Variants in CCDC12 observed in about 807,000 individuals in gnomAD.
CCDC12 encodes the protein coiled-coil domain containing 12.
Under a neutral mutation model 25.7 loss-of-function variants are expected in CCDC12, and 28 were observed. The observed-to-expected ratio is 1.09, with a 90% CI of 0.81 to 1.50. The LOEUF is 1.50. CCDC12 is among the 40% of genes most tolerant of loss of function. The pLI is 0.00. For missense variants in CCDC12, 198 were observed against 210.0 expected (o/e 0.94, Z 0.35); for synonymous variants, 75 against 87.7 (o/e 0.86, Z 0.81).
intron 2 of CCDC12, among the ~76,000 whole-genome samples, chr3:46,939,792 A>G (rs1314815710): frequency 6.6e-6 from 1 of 152,114 alleles, no homozygotes; most frequent in African/African-American, 2.4e-5. Context: ...CGTGTCTGTG[A>G]TTGCTCCTGA....
rs187798846 is a variant in CCDC12, at chr3:46,927,827, G to C, written c.165-2292C>G. ...ATCGCGTGAAAATGGTGCAGTCTCT[G>C]ACCTCCAGTCCCCTTAGCGTGGAGA... On this transcript the variant is annotated intron_variant, in intron 2 of 6. Transcript: ENST00000683445. 1.4e-3 allele frequency among the ~76,000 whole-genome samples: 207 copies of C among 152,254 alleles called. 1 individual carries two copies. The highest frequency in any genetic ancestry group is 4.6e-3 in the African/African-American group (193 of 41,526).
At chr3:46,924,738 C>T (rs1285874997) in intron 3 of CCDC12, among the ~76,000 whole-genome samples, 1 of 152,226 alleles carries the variant, frequency 6.6e-6, no homozygotes, top group East Asian at 1.9e-4. Flanking sequence ...ATCCCAGCTA[C>T]TCAGGAGGCT....
intron 1 of CCDC12, among the ~76,000 whole-genome samples, chr3:46,957,616 G>A (rs887227286): frequency 2.6e-5 from 4 of 152,084 alleles, no homozygotes; most frequent in African/African-American, 7.2e-5. Context: ...CCTCCGTTAC[G>A]TTTCAGTACT....
chr3:46,929,196 ATGT>A (rs751940930), intron 2 of CCDC12, among the ~76,000 whole-genome samples: 5 of 152,250 alleles, frequency 3.3e-5, no homozygotes, highest in Non-Finnish European at 7.3e-5. Flanking sequence ...TTAAGGATGT[ATGT>A]TGTTATGCCT....
chr3:46,935,303 G>A (rs1327230241), intron 2 of CCDC12, among the ~76,000 whole-genome samples: 7 of 152,114 alleles, frequency 4.6e-5, no homozygotes, highest in Admixed American at 3.3e-4. Context: ...GCTTGTTCAG[G>A]CACTTTCTGG....
intron 1 of CCDC12, chr3:46,976,301 T>G: frequency 8.4e-7 from 1 of 1,191,010 alleles, no homozygotes; most frequent in Non-Finnish European, 1.0e-6. Context: ...ACGGAACAAA[T>G]CACGCCTAAC....
intron 2 of CCDC12, among the ~76,000 whole-genome samples, chr3:46,938,749 G>A (rs987309013): frequency 1.3e-5 from 2 of 151,866 alleles, no homozygotes; most frequent in Non-Finnish European, 2.9e-5. Flanking sequence ...TTGGGAGGCT[G>A]AGGTGGGAAG....
At chr3:46,957,378 G>A (rs562105134) in intron 1 of CCDC12, among the ~76,000 whole-genome samples, 1 of 152,244 alleles carries the variant, frequency 6.6e-6, no homozygotes, top group Non-Finnish European at 1.5e-5. Flanking sequence ...CTTTCAGGCT[G>A]TGTACCTCTA....
chr3:46,970,234 C>G (rs2034763929), intron 1 of CCDC12, among the ~76,000 whole-genome samples: 1 of 151,892 alleles, frequency 6.6e-6, no homozygotes. Context: ...CAAATGCAGC[C>G]CAACACAAAT....
chr3:46,926,679 C>CA (rs1408977891), intron 2 of CCDC12, among the ~76,000 whole-genome samples: 1 of 152,182 alleles, frequency 6.6e-6, no homozygotes. Flanking sequence ...AAAGGCAAGG[C>CA]AGAGGCAGTG....
intron 2 of CCDC12, among the ~76,000 whole-genome samples, chr3:46,939,539 A>G (rs2033609336): frequency 6.6e-6 from 1 of 152,134 alleles, no homozygotes; most frequent in Admixed American, 6.5e-5. Context: ...CCATAAAGCC[A>G]CATATGTTGG....
chr3:46,947,871 T>C (rs947486383), intron 1 of CCDC12, among the ~76,000 whole-genome samples: 6 of 152,224 alleles, frequency 3.9e-5, no homozygotes, highest in African/African-American at 1.4e-4. Context: ...CTGGCCTCAG[T>C]TTCCTCATCT....
At chr3:46,941,143 A>C in intron 1 of CCDC12, 78 bp from the exon 2 acceptor site, 1 of 1,404,098 alleles carries the variant, frequency 7.1e-7, no homozygotes, top group Non-Finnish European at 1.0e-6. Flanking sequence ...GAGCTAAAGA[A>C]CAGGACATCT....
intron 5 of CCDC12, 61 bp from the exon 6 acceptor site, chr3:46,922,373 C>G: frequency 6.3e-7 from 1 of 1,575,248 alleles, no homozygotes; most frequent in Non-Finnish European, 8.7e-7. Flanking sequence ...GGCATTGGGT[C>G]CCCTCCCCTC....
At chr3:46,922,427 G>A in intron 5 of CCDC12, 115 bp from the exon 6 acceptor site, 4 of 1,114,202 alleles carry the variant, frequency 3.6e-6, no homozygotes, top group Non-Finnish European at 2.7e-6. Context: ...TTGCTGGAGG[G>A]GGCTGCCCTG....
At chr3:46,942,062 T>G (rs1051693951) in intron 1 of CCDC12, among the ~76,000 whole-genome samples, 1 of 152,258 alleles carries the variant, frequency 6.6e-6, no homozygotes, top group African/African-American at 2.4e-5. Flanking sequence ...CATCTCAACC[T>G]TGACATGTTA....
upstream of CCDC12, among the ~76,000 whole-genome samples, chr3:46,981,202 TGGG>T (rs2035308687): frequency 1.3e-5 from 2 of 152,086 alleles, no homozygotes; most frequent in Admixed American, 1.3e-4. Flanking sequence ...CCCAGCACTT[TGGG>T]AGGCCGAGGC....
chr3:46,977,017 A>G (rs2035020589), upstream of CCDC12: 1 of 493,038 alleles, frequency 2.0e-6, no homozygotes, highest in South Asian at 2.7e-5. Context: ...TGATCAGTGA[A>G]AGAGCAGCAA....
chr3:46,928,099 A>C (rs1318416400), intron 2 of CCDC12, among the ~76,000 whole-genome samples: 1 of 152,194 alleles, frequency 6.6e-6, no homozygotes, highest in Non-Finnish European at 1.5e-5. Context: ...AAATACAAAA[A>C]TTAGGTGGGT....
Sources: allele counts gnomAD v4.1 joint callset (sites outside exome capture counted in the v4.1 genomes callset), GRCh38; gene constraint gnomAD v4.1.1; transcripts MANE v1.5; gene names NCBI Gene and HGNC (gene_info 2026-07-23, HGNC 2026-07-21).